The following EIF4G3 variants were observed in gnomAD, a reference collection of about 807,000 sequenced individuals.
EIF4G3 encodes eIF-4-gamma 3.
In EIF4G3, 34 loss-of-function variants were observed where a neutral mutation model predicts 186.4. The observed-to-expected ratio is 0.18, with a 90% CI of 0.14 to 0.24. The LOEUF (loss-of-function observed/expected upper bound fraction) is 0.24, where lower values mean the gene tolerates loss of function less well. EIF4G3 is among the 10% of genes least tolerant of loss of function. EIF4G3 has a pLI of 1.00. For missense variants in EIF4G3, 1,536 were observed against 1,948.5 expected (o/e 0.79, Z 3.99); for synonymous variants, 673 against 679.5 (o/e 0.99, Z 0.15).
chr1:20,981,494 A>T (rs1033625082), intron 8 of EIF4G3, among the ~76,000 whole-genome samples: 5 of 85,962 alleles, frequency 5.8e-5, no homozygotes, highest in Non-Finnish European at 1.6e-4. Flanking sequence ...GCATACATAC[A>T]TGTATACGCA....
chr1:20,999,918 A>C (rs944818927), intron 6 of EIF4G3, among the ~76,000 whole-genome samples: 22 of 152,090 alleles, frequency 1.4e-4, no homozygotes, highest in African/African-American at 5.3e-4. Flanking sequence ...CCTTCTGTGA[A>C]CTTGGATCCA....
chr1:20,890,053 G>A (rs2085507437), intron 18 of EIF4G3, among the ~76,000 whole-genome samples: 1 of 151,714 alleles, frequency 6.6e-6, no homozygotes, highest in Admixed American at 6.6e-5. Context: ...GCTCACTACA[G>A]CCTCCGCCTC....
At chr1:21,021,769 T>G (rs1418265533) in intron 4 of EIF4G3, among the ~76,000 whole-genome samples, 1 of 152,138 alleles carries the variant, frequency 6.6e-6, no homozygotes, top group African/African-American at 2.4e-5. Flanking sequence ...TTGGGCAGGC[T>G]GGTCTCGAAC....
intron 31 of EIF4G3, among the ~76,000 whole-genome samples, chr1:20,828,545 CT>C (rs1354107394): frequency 1.3e-5 from 2 of 152,062 alleles, no homozygotes; most frequent in Non-Finnish European, 2.9e-5. Context: ...CTTTAATATG[CT>C]AAGTATGTTT....
intron 3 of EIF4G3, among the ~76,000 whole-genome samples, chr1:21,086,199 C>CTA (rs2095971314): frequency 1.1e-5 from 1 of 95,222 alleles, no homozygotes; most frequent in Non-Finnish European, 1.9e-5. Flanking sequence ...ACATGATACT[C>CTA]TTTTTTTTTT....
At chr1:20,853,034 A>G (rs6426648) in intron 27 of EIF4G3, among the ~76,000 whole-genome samples, 49,921 of 152,054 alleles carry the variant, frequency 0.33, 8,780 homozygotes, top group Non-Finnish European at 0.39. Flanking sequence ...GAAAGTGCTT[A>G]TGTAAAAAAT....
At chr1:20,973,836 G>T (rs2076337007) in intron 10 of EIF4G3, among the ~76,000 whole-genome samples, 1 of 152,096 alleles carries the variant, frequency 6.6e-6, no homozygotes, top group African/African-American at 2.4e-5. Context: ...TACTCCCAAT[G>T]AGCTGTTTTT....
intron 2 of EIF4G3, among the ~76,000 whole-genome samples, chr1:21,158,451 C>T (rs1163936232): frequency 6.6e-6 from 1 of 152,078 alleles, no homozygotes; most frequent in Non-Finnish European, 1.5e-5. Flanking sequence ...GTTAGAATTA[C>T]AGGTGTGAGC....
chr1:21,044,102 C>G (rs578183215), intron 4 of EIF4G3, among the ~76,000 whole-genome samples: 7 of 152,314 alleles, frequency 4.6e-5, no homozygotes, highest in South Asian at 2.1e-4. Flanking sequence ...ATTCATGGTA[C>G]ATGGGGACTT....
chr1:20,810,635 A>C lies in EIF4G3; in HGVS notation c.4744+103T>G. 7.5e-7 allele frequency: 1 copy of C among 1,331,354 alleles called. No individual in the cohort carries two copies. The highest frequency in any genetic ancestry group is 1.9e-5 in the Admixed American group (1 of 51,456). The allele number at this position is 1,331,354 out of a possible 1,614,324, so 82.5% of individuals were successfully genotyped here. ...GTTATATGAGTTTGTGTTATTAGTG[A>C]TTCTTTTATTGTCCTTTGTTCGAAC... On this transcript the variant is annotated intron_variant, in intron 36 of 36. Transcript: ENST00000602326. This position sits in a 1 kb window ranked among gnomAD's most constrained non-coding sequence, Gnocchi z 4.1.
intron 3 of EIF4G3, among the ~76,000 whole-genome samples, chr1:21,069,945 T>G (rs2095394719): frequency 6.6e-6 from 1 of 152,178 alleles, no homozygotes; most frequent in Non-Finnish European, 1.5e-5. Flanking sequence ...TGAAATATAC[T>G]CAATCATGGT....
chr1:20,854,191 G>C (rs2074180479), intron 26 of EIF4G3, among the ~76,000 whole-genome samples: 1 of 152,032 alleles, frequency 6.6e-6, no homozygotes, highest in Non-Finnish European at 1.5e-5. Context: ...AACATCTTTG[G>C]TCCTGAGGTC....
chr1:21,017,102 C>T (rs2154570455), intron 4 of EIF4G3, among the ~76,000 whole-genome samples: 1 of 152,268 alleles, frequency 6.6e-6, no homozygotes, highest in Admixed American at 6.5e-5. Flanking sequence ...CAAAATGTGG[C>T]ACATACATAC....
chr1:20,862,208 TTA>T lies in EIF4G3; in HGVS notation c.3111+18_3111+19del, dbSNP rs763230455. ...AGAGACTGGACCAGCAGGCTTATTA[TTA>T]TTTTTTTTCCCACTCACCAGCCTTA... On this transcript the variant is annotated intron_variant, in intron 23 of 36. Transcript: ENST00000602326. The T allele has an allele frequency of 2.7e-5, 34 of 1,265,700 alleles. No individual in the cohort carries two copies. Among genetic ancestry groups the T allele is most frequent in the East Asian group, 7.3e-5 (3 of 41,376 alleles). The allele number at this position is 1,265,700 out of a possible 1,614,324, so 78.4% of individuals were successfully genotyped here.
At position 21,176,231 on chromosome 1, in the gene EIF4G3, TGCCGCC is replaced by T. The variant is rs34197724; in HGVS notation, c.-334_-329del. On this transcript the variant is annotated 5_prime_UTR_variant, in exon 2 of 37. Coordinates refer to ENST00000602326, the MANE Select transcript of EIF4G3 (RefSeq NM_001391906.1). ...TGTTCGGGTGAGGAGGGGGGACCGCTGCCGCCGCCGCCGCCGCCGCCGCCGCCGCCG... is the reference window on the plus strand; with the variant it reads ...TGTTCGGGTGAGGAGGGGGGACCGCTGCCGCCGCCGCCGCCGCCGCCGCCG... The T allele has an allele frequency of 1.6e-3, 546 of 343,284 alleles. 6 individuals carry two copies. The highest frequency in any genetic ancestry group is 7.9e-3 in the South Asian group (92 of 11,612). 21.3% of individuals were successfully genotyped at this position (343,284 alleles called of 1,614,324 possible).
intron 3 of EIF4G3, among the ~76,000 whole-genome samples, chr1:21,053,564 C>T (rs1177874090): frequency 2.1e-5 from 3 of 146,080 alleles, no homozygotes; most frequent in Admixed American, 6.7e-5. Flanking sequence ...GCCCCCCGCC[C>T]GGCCAGCCGC....
chr1:20,893,037 AG>A, intron 18 of EIF4G3: 1 of 283,744 alleles, frequency 3.5e-6, no homozygotes, highest in South Asian at 6.4e-5. Context: ...TCTCCCGAGT[AG>A]CTGGGACTAG....
At chr1:20,998,104 A>G (rs562444233) in intron 6 of EIF4G3, among the ~76,000 whole-genome samples, 1 of 152,192 alleles carries the variant, frequency 6.6e-6, no homozygotes, top group Admixed American at 6.5e-5. Flanking sequence ...TAAAAAACGT[A>G]ACACAATTAA....
chr1:20,919,467 A>G (rs1051180420), intron 14 of EIF4G3, among the ~76,000 whole-genome samples: 1 of 152,202 alleles, frequency 6.6e-6, no homozygotes, highest in African/African-American at 2.4e-5. Context: ...GACCTCCCGT[A>G]GTGATGGGAT....
Sources: allele counts gnomAD v4.1 joint callset (sites outside exome capture counted in the v4.1 genomes callset), GRCh38; gene constraint gnomAD v4.1.1; non-coding constraint Gnocchi (gnomAD v3.1); transcripts MANE v1.5; gene names NCBI Gene and HGNC (gene_info 2026-07-23, HGNC 2026-07-21).